The following TEK variants were observed in gnomAD, a reference collection of about 807,000 sequenced individuals.
TEK encodes the protein angiopoietin-1 receptor.
In TEK, 43 loss-of-function variants were observed where a neutral mutation model predicts 131.8. That is an observed-to-expected ratio of 0.33 (90% confidence interval 0.26 to 0.42). The LOEUF is 0.42. Among genes scored for constraint, TEK ranks in the 10% least tolerant of loss-of-function variants. The pLI, the probability that TEK is intolerant of heterozygous loss-of-function variation, is 1.00. For missense variants in TEK, 1,162 were observed against 1,384.4 expected, an observed-to-expected ratio of 0.84 and a Z score of 2.55; for synonymous variants, 580 against 491.6, an observed-to-expected ratio of 1.18 and a Z score of -2.38.
chr9:27,218,546 T>C (rs1364471446), intron 19 of TEK, among the ~76,000 whole-genome samples: 7 of 150,502 alleles, frequency 4.7e-5, no homozygotes, highest in Non-Finnish European at 1.0e-4. Context: ...TTGTAGTCTC[T>C]AGTTAAAGTG....
intron 15 of TEK, among the ~76,000 whole-genome samples, chr9:27,208,358 T>A (rs77576980): frequency 6.6e-6 from 1 of 151,888 alleles, no homozygotes; most frequent in Non-Finnish European, 1.5e-5. Flanking sequence ...TTTTTTTTTT[T>A]AAAGCAGCCA....
At chr9:27,225,653 A>G (rs916592624) in intron 21 of TEK, among the ~76,000 whole-genome samples, 1 of 152,212 alleles carries the variant, frequency 6.6e-6, no homozygotes, top group Non-Finnish European at 1.5e-5. Context: ...AACCTGGGCA[A>G]TACCATTCAG....
chr9:27,190,735 G>C, intron 10 of TEK, 45 bp downstream of exon 10: 1 of 1,610,726 alleles, frequency 6.2e-7, no homozygotes, highest in Non-Finnish European at 8.5e-7. Flanking sequence ...TGTGGCACCA[G>C]GAGAATTATT....
intron 10 of TEK, 78 bp from the exon 11 acceptor site, chr9:27,192,411 A>G (rs1586994306): frequency 5.7e-6 from 9 of 1,567,378 alleles, no homozygotes; most frequent in East Asian, 2.2e-5. Flanking sequence ...ATTAGTTCAC[A>G]TCGCAATAAC....
chr9:27,109,670 T>G (rs761241072), intron 1 of TEK, 28 bp downstream of exon 1: 1 of 1,611,326 alleles, frequency 6.2e-7, no homozygotes, highest in Non-Finnish European at 8.5e-7. Context: ...TTTTTTTAAT[T>G]TAGTATTTTA....
At chr9:27,124,525 C>T (rs887178804) in intron 1 of TEK, among the ~76,000 whole-genome samples, 5 of 152,230 alleles carry the variant, frequency 3.3e-5, no homozygotes, top group Admixed American at 6.5e-5. Context: ...TTGTCACACC[C>T]AAAGTGATGT....
chr9:27,176,888 T>C (rs2224530), intron 6 of TEK, among the ~76,000 whole-genome samples: 29,241 of 152,208 alleles, frequency 0.19, 2,973 homozygotes, highest in Non-Finnish European at 0.22. Flanking sequence ...GCTACTCTGC[T>C]TCTATAAGTT....
rs887443803 is a variant in TEK at position 27,219,974 on chromosome 9, T to A, written c.3104-75T>A. 6 of 1,495,438 alleles carry A rather than the reference T, an allele frequency of 4.0e-6. No homozygotes were observed. The African/African-American group carries it at 8.3e-5, about 21-fold the overall frequency. 92.6% of individuals were successfully genotyped at this position (1,495,438 alleles called of 1,614,324 possible). A position where few individuals can be genotyped will look rare whatever the true frequency, so the allele number is the denominator to read the frequency against. ...ACCATGTCTTCCTCCTGGCCCCTTA[T>A]ATTTAGAAACCCTGGACAGGAAGCA... On this transcript the variant is annotated intron_variant, in intron 20 of 22. Transcript: ENST00000380036.
At chr9:27,215,520 T>C (rs1448118225) in intron 18 of TEK, among the ~76,000 whole-genome samples, 2 of 151,924 alleles carry the variant, frequency 1.3e-5, no homozygotes, top group Non-Finnish European at 2.9e-5. Context: ...CCTGTGGATA[T>C]TCTGATTCAA....
chr9:27,115,507 C>CAAAA (rs140330412), intron 1 of TEK, among the ~76,000 whole-genome samples: 25,279 of 151,724 alleles, frequency 0.17, 2,269 homozygotes, highest in Non-Finnish European at 0.2. Context: ...TCAAAAAAAA[C>CAAAA]AACAAACAAA....
intron 21 of TEK, among the ~76,000 whole-genome samples, chr9:27,221,636 C>CCTCCAGCCAA (rs893995322): frequency 1.2e-4 from 19 of 152,146 alleles, no homozygotes; most frequent in African/African-American, 4.6e-4. Flanking sequence ...CTGGAGTGGA[C>CCTCCAGCCAA]CTCCAGCCAA....
intron 2 of TEK, among the ~76,000 whole-genome samples, chr9:27,164,053 G>A (rs772662529): frequency 6.6e-6 from 1 of 152,166 alleles, no homozygotes; most frequent in Admixed American, 6.5e-5. Context: ...TGAGGTGGTT[G>A]GACCTTAAAG....
At chr9:27,193,653 G>A (rs1824905284) in intron 11 of TEK, among the ~76,000 whole-genome samples, 1 of 151,990 alleles carries the variant, frequency 6.6e-6, no homozygotes, top group Non-Finnish European at 1.5e-5. Context: ...CTCTCTCTTG[G>A]TCAGTACTTT....
In TEK at chr9:27,188,941, T is replaced by C. The variant is rs562491952; in HGVS notation, c.1328-1588T>C. On this transcript the variant is annotated intron_variant, in intron 9 of 22. Coordinates refer to ENST00000380036, the MANE Select transcript of TEK (RefSeq NM_000459.5). ...GCTGGGGCAGGGCTGGAGTGGTGACTGTAATTTTAAATAGGGTAATCAAGC... is the reference window on the plus strand; with the variant it reads ...GCTGGGGCAGGGCTGGAGTGGTGACCGTAATTTTAAATAGGGTAATCAAGC... Among the ~76,000 whole-genome samples the C allele has an allele frequency of 3.9e-5, 6 of 152,286 alleles. No homozygotes were observed. The East Asian group carries it at 1.2e-3, about 29-fold the overall frequency.
intron 1 of TEK, among the ~76,000 whole-genome samples, chr9:27,151,459 G>C (rs113111211): frequency 0.011 from 1,661 of 152,156 alleles, 41 homozygotes; most frequent in African/African-American, 0.038. Flanking sequence ...AGTAACTACT[G>C]CTCAGTAGTT....
chr9:27,224,455 A>G (rs1172577757), intron 21 of TEK, among the ~76,000 whole-genome samples: 1 of 152,192 alleles, frequency 6.6e-6, no homozygotes, highest in Non-Finnish European at 1.5e-5. Context: ...CTGGTTCAAC[A>G]TATGCAAATC....
intron 19 of TEK, among the ~76,000 whole-genome samples, chr9:27,218,257 C>T (rs948322421): frequency 2.7e-4 from 10 of 36,554 alleles, no homozygotes; most frequent in South Asian, 1.2e-3. Context: ...ACCAAGGCCC[C>T]GAGGGTGGTG....
In TEK at chr9:27,221,671, G is replaced by A. The variant is rs533959375; in HGVS notation, c.3200+1526G>A. 3.3e-5 allele frequency among the ~76,000 whole-genome samples: 5 copies of A among 152,320 alleles called. No homozygotes were observed. The East Asian group carries it at 7.7e-4, about 24-fold the overall frequency. The stretch of plus-strand genomic sequence containing the variant: ...ACTCCAGCAGACCTTCAGCACAGGG[G>A]CCTGACTATTAGAAGGAAAAGTAAC... On this transcript the variant is annotated intron_variant, in intron 21 of 22. Transcript: ENST00000380036.
rs16911134 is a variant in TEK, at chr9:27,184,515, G to A, written c.1182+905G>A. Reference sequence around the variant, plus strand: ...AGAATGTACCATTACTAGGGTCCACGTTTCAATGTCCCTGATTCCACTCAA... The same window carrying A: ...AGAATGTACCATTACTAGGGTCCACATTTCAATGTCCCTGATTCCACTCAA... On this transcript the variant is annotated intron_variant, in intron 8 of 22. Coordinates refer to ENST00000380036, the MANE Select transcript of TEK (RefSeq NM_000459.5). 5.8e-3 allele frequency among the ~76,000 whole-genome samples: 877 copies of A among 152,234 alleles called. 6 individuals are homozygous for A. Among genetic ancestry groups the A allele is most frequent in the African/African-American group, 0.02 (830 of 41,544 alleles).
Sources: allele counts gnomAD v4.1 joint callset (sites outside exome capture counted in the v4.1 genomes callset), GRCh38; gene constraint gnomAD v4.1.1; transcripts MANE v1.5; gene names NCBI Gene and HGNC (gene_info 2026-07-23, HGNC 2026-07-21).